RPS6KA5: variants seen among roughly 807,000 people sequenced by gnomAD.
The protein encoded by RPS6KA5 is ribosomal protein S6 kinase alpha-5.
Under a neutral mutation model 85.5 loss-of-function variants are expected in RPS6KA5, and 27 were observed. The ratio of observed to expected loss-of-function variants is 0.32; its 90% CI spans 0.23 to 0.44. RPS6KA5 has a LOEUF of 0.44. Ranked by LOEUF, RPS6KA5 falls within the 20% of genes least tolerant of loss-of-function variation. The probability of loss-of-function intolerance (pLI) is 1.00; values close to 1 mark genes in which losing one functional copy is unlikely to be tolerated. For synonymous variants in RPS6KA5, 334 were observed against 348.2 expected (o/e 0.96, Z 0.46); for missense variants, 811 against 980.9 (o/e 0.83, Z 2.31).
chr14:90,852,757 T>A lies in RPS6KA5; in HGVS notation c.*19317A>T, dbSNP rs2032069066. ...TTTTTTTTTTTTTTTTGAGACAGAG[T>A]CTTGCTCTGTCGCCCAGGCTGGAGT... is the stretch of plus-strand genomic sequence containing the variant. On this transcript the variant is annotated 3_prime_UTR_variant, in exon 17 of 17. Coordinates refer to ENST00000614987, the MANE Select transcript of RPS6KA5 (RefSeq NM_004755.4). 1 of 123,962 alleles carries A rather than the reference T, an allele frequency of 8.1e-6. No individual in the cohort carries two copies. The allele number at this position is 123,962 out of a possible 1,614,324, so 7.7% of individuals were successfully genotyped here.
chr14:90,932,824 T>A (rs2037055303), intron 5 of RPS6KA5, among the ~76,000 whole-genome samples: 1 of 152,198 alleles, frequency 6.6e-6, no homozygotes, highest in Non-Finnish European at 1.5e-5. Flanking sequence ...TGTATTATTA[T>A]AGGAGATAGA....
intron 5 of RPS6KA5, among the ~76,000 whole-genome samples, chr14:90,924,679 A>G (rs532904877): frequency 1.5e-4 from 23 of 152,336 alleles, no homozygotes; most frequent in African/African-American, 5.5e-4. Context: ...AAACAGCAGG[A>G]GTGGGATGTG....
chr14:91,024,800 T>C (rs1344581350), intron 1 of RPS6KA5, among the ~76,000 whole-genome samples: 1 of 152,212 alleles, frequency 6.6e-6, no homozygotes, highest in African/African-American at 2.4e-5. Flanking sequence ...ATTGCTGACA[T>C]TTTCTCTTTC....
intron 5 of RPS6KA5, among the ~76,000 whole-genome samples, chr14:90,932,592 A>G (rs2037043419): frequency 2.0e-5 from 3 of 152,130 alleles, no homozygotes; most frequent in Non-Finnish European, 4.4e-5. Flanking sequence ...TCCCTTCCTC[A>G]TACTCAGTGA....
At chr14:90,923,346 G>C (rs1237085156) in intron 5 of RPS6KA5, 150 bp from the exon 6 acceptor site, 1 of 639,364 alleles carries the variant, frequency 1.6e-6, no homozygotes, top group Non-Finnish European at 2.8e-6. Flanking sequence ...CACTGGAACA[G>C]ACCACTGTCT....
chr14:90,891,015 C>A (rs562919874), intron 13 of RPS6KA5, among the ~76,000 whole-genome samples: 1 of 152,140 alleles, frequency 6.6e-6, no homozygotes, highest in African/African-American at 2.4e-5. Context: ...GAGATACTAT[C>A]CTAACTGTCC....
rs1019161432 is a variant in RPS6KA5, at chr14:91,022,992, G to A, written c.104-21833C>T. On this transcript the variant is annotated intron_variant, in intron 1 of 16. Coordinates refer to ENST00000614987, the MANE Select transcript of RPS6KA5 (RefSeq NM_004755.4). ...CCCAGCTACTCAGGAGGCTGGGGCA[G>A]GAGAATCACTTGAACCGAGGAGGCG... is the stretch of plus-strand genomic sequence containing the variant. Among the ~76,000 whole-genome samples, 12 of 150,526 alleles carry A rather than the reference G, an allele frequency of 8.0e-5. 1 individual carries two copies. Among genetic ancestry groups the A allele is most frequent in the African/African-American group, 2.4e-5 (1 of 40,876 alleles).
intron 3 of RPS6KA5, among the ~76,000 whole-genome samples, chr14:90,970,371 A>C (rs1230598804): frequency 6.6e-6 from 1 of 152,214 alleles, no homozygotes; most frequent in Non-Finnish European, 1.5e-5. Flanking sequence ...ACAATTATTG[A>C]GATGAAACCA....
chr14:90,988,169 C>T (rs2140517229), intron 2 of RPS6KA5, among the ~76,000 whole-genome samples: 1 of 152,294 alleles, frequency 6.6e-6, no homozygotes, highest in South Asian at 2.1e-4. Context: ...TCAGCAAGGC[C>T]TGAAACCAGG....
intron 1 of RPS6KA5, among the ~76,000 whole-genome samples, chr14:91,051,910 A>C (rs74086834): frequency 0.04 from 6,101 of 151,250 alleles, 321 homozygotes; most frequent in African/African-American, 0.11. Context: ...CAGTGGTAGA[A>C]GACTAAAGCC....
At chr14:91,044,581 T>C (rs889764939) in intron 1 of RPS6KA5, among the ~76,000 whole-genome samples, 2 of 151,990 alleles carry the variant, frequency 1.3e-5, no homozygotes, top group African/African-American at 2.4e-5. Flanking sequence ...GGATTAAAGA[T>C]TGAAGACCCA....
intron 14 of RPS6KA5, among the ~76,000 whole-genome samples, chr14:90,876,718 G>A (rs1215745601): frequency 6.6e-6 from 1 of 152,180 alleles, no homozygotes; most frequent in Non-Finnish European, 1.5e-5. Flanking sequence ...TTTGAGAAGG[G>A]AGCAGTGGTG....
At chr14:90,920,897 C>A (rs1043954325) in intron 6 of RPS6KA5, among the ~76,000 whole-genome samples, 1 of 151,844 alleles carries the variant, frequency 6.6e-6, no homozygotes, top group African/African-American at 2.4e-5. Context: ...TTTAAAGAAT[C>A]TTTTATTTTA....
At chr14:90,922,287 G>A (rs886235144) in intron 6 of RPS6KA5, among the ~76,000 whole-genome samples, 4 of 152,072 alleles carry the variant, frequency 2.6e-5, no homozygotes, top group Non-Finnish European at 2.9e-5. Context: ...ATATGTTTCC[G>A]AATGTTTTTC....
intron 5 of RPS6KA5, among the ~76,000 whole-genome samples, chr14:90,940,780 G>A (rs566465981): frequency 2.0e-5 from 3 of 152,212 alleles, no homozygotes; most frequent in African/African-American, 7.2e-5. Flanking sequence ...ATTGCCACCT[G>A]AGCTCTGCCT....
chr14:90,920,389 T>A, intron 6 of RPS6KA5, 80 bp from the exon 7 acceptor site: 2 of 984,118 alleles, frequency 2.0e-6, no homozygotes, highest in Non-Finnish European at 1.5e-6. Flanking sequence ...ATAAAAGCTA[T>A]CTATTAGGAA....
rs148385885 is a variant in RPS6KA5 at position 90,899,349 on chromosome 14, G to T, written c.1453C>A (p.His485Asn). The change falls in exon 12 of 17, where the codon CAT becomes AAT. Residue 485 changes from histidine (H) to asparagine (N), a missense_variant. Around this residue, in one of 3 missense-constraint regions of RPS6KA5, gnomAD observed 650 missense variants for 793.4 expected, o/e 0.82. Transcript: ENST00000614987. ...CEGHPNIVKL[H>N]EVFHDQLHTF... ...GATACCTGATCATGAAAAACTTCAT[G>T]CAACTTCACAATATTGGGGTGTCCT... 5.5e-5 allele frequency: 88 copies of T among 1,604,758 alleles called. 1 individual carries two copies. In the African/African-American group the frequency reaches 9.2e-4, roughly 17 times the overall value.
At chr14:90,905,148 G>A (rs1180308162) in intron 8 of RPS6KA5, among the ~76,000 whole-genome samples, 1 of 152,018 alleles carries the variant, frequency 6.6e-6, no homozygotes, top group Non-Finnish European at 1.5e-5. Context: ...TACATTGAGA[G>A]ACTAAGAGAA....
intron 1 of RPS6KA5, among the ~76,000 whole-genome samples, chr14:91,020,650 GTTTATATGTGTA>G (rs2041726071): frequency 3.4e-5 from 5 of 146,790 alleles, no homozygotes; most frequent in South Asian, 2.1e-4. Flanking sequence ...GTGTGTGTGT[GTTTATATGTGTA>G]TGTGTATGTA....
Sources: allele counts gnomAD v4.1 joint callset (sites outside exome capture counted in the v4.1 genomes callset), GRCh38; gene constraint gnomAD v4.1.1; regional missense constraint gnomAD v4.1.1; transcripts MANE v1.5; gene names NCBI Gene and HGNC (gene_info 2026-07-23, HGNC 2026-07-21).